Variants in GRIN2A observed in about 807,000 individuals in gnomAD.
GRIN2A encodes the protein glutamate ionotropic receptor NMDA type subunit 2A, also known as glutamate receptor ionotropic, NMDA 2A.
A neutral mutation model predicts 113.4 loss-of-function variants in GRIN2A; 22 were observed. The ratio of observed to expected loss-of-function variants is 0.19; its 90% CI spans 0.14 to 0.28. The LOEUF is 0.28. Among genes scored for constraint, GRIN2A ranks in the 10% least tolerant of loss-of-function variants. GRIN2A has a pLI of 1.00. For missense variants in GRIN2A, 1,502 were observed against 1,887.0 expected (o/e 0.80, Z 3.78); for synonymous variants, 827 against 738.4 (o/e 1.12, Z -1.94).
intron 2 of GRIN2A, among the ~76,000 whole-genome samples, chr16:9,976,908 T>A (rs2045784375): frequency 6.6e-6 from 1 of 152,130 alleles, no homozygotes; most frequent in African/African-American, 2.4e-5. Flanking sequence ...GCCACATGAG[T>A]GGAATACAAA....
intron 2 of GRIN2A, among the ~76,000 whole-genome samples, chr16:9,944,103 T>C (rs2044958462): frequency 6.6e-6 from 1 of 152,110 alleles, no homozygotes; most frequent in African/African-American, 2.4e-5. Context: ...CCACAACTTA[T>C]TTTCCTGCTG....
chr16:9,869,472 A>C (rs1367135099), intron 4 of GRIN2A, among the ~76,000 whole-genome samples: 2 of 152,146 alleles, frequency 1.3e-5, no homozygotes, highest in Non-Finnish European at 2.9e-5. Context: ...CAGAGGTACC[A>C]ACATGACCAC....
intron 2 of GRIN2A, among the ~76,000 whole-genome samples, chr16:9,983,590 C>G (rs1165930990): frequency 6.6e-6 from 1 of 152,074 alleles, no homozygotes; most frequent in African/African-American, 2.4e-5. Flanking sequence ...CAGGCACCCG[C>G]CACTATACCC....
intron 2 of GRIN2A, among the ~76,000 whole-genome samples, chr16:10,132,764 A>T (rs570119136): frequency 6.6e-6 from 1 of 152,346 alleles, no homozygotes; most frequent in South Asian, 2.1e-4. Flanking sequence ...GCAGTGTAGC[A>T]GAAGACCTGG....
intron 2 of GRIN2A, among the ~76,000 whole-genome samples, chr16:10,063,924 C>T (rs2047597235): frequency 6.6e-6 from 1 of 152,124 alleles, no homozygotes; most frequent in African/African-American, 2.4e-5. Context: ...TATTCATGAC[C>T]CCACAGTCAC....
At chr16:9,978,860 G>T (rs547458081) in intron 2 of GRIN2A, among the ~76,000 whole-genome samples, 2 of 152,274 alleles carry the variant, frequency 1.3e-5, no homozygotes, top group Admixed American at 1.3e-4. Context: ...GAAATGGCAG[G>T]TTACTCAGCA....
intron 4 of GRIN2A, among the ~76,000 whole-genome samples, chr16:9,863,239 T>C (rs2043101842): frequency 6.6e-6 from 1 of 152,170 alleles, no homozygotes; most frequent in Non-Finnish European, 1.5e-5. Context: ...GAAGACAGTA[T>C]TAATAATTAG....
Position 10,084,838 on chromosome 16 carries a change from C to T in GRIN2A, c.414+95160G>A, listed in dbSNP as rs531413244. 1.8e-3 allele frequency among the ~76,000 whole-genome samples: 277 copies of T among 152,022 alleles called. 1 individual carries two copies. The highest frequency in any genetic ancestry group is 6.4e-3 in the African/African-American group (264 of 41,454). ...AGGATATGGAGTGAGCTTAATGTTCCACAACTGGGACCTAGGTCAGTGCCT... is the reference window on the plus strand; with the variant it reads ...AGGATATGGAGTGAGCTTAATGTTCTACAACTGGGACCTAGGTCAGTGCCT... On this transcript the variant is annotated intron_variant, in intron 2 of 12. Transcript: ENST00000330684.
intron 2 of GRIN2A, among the ~76,000 whole-genome samples, chr16:10,088,820 G>T (rs1027425734): frequency 6.6e-6 from 1 of 152,168 alleles, no homozygotes; most frequent in Non-Finnish European, 1.5e-5. Context: ...CATCCATCTC[G>T]CAAGAAAAGA....
intron 2 of GRIN2A, among the ~76,000 whole-genome samples, chr16:10,167,202 T>C (rs1266119586): frequency 6.6e-6 from 1 of 152,138 alleles, no homozygotes; most frequent in African/African-American, 2.4e-5. Flanking sequence ...CCCCTGAAAT[T>C]GCACATAATT....
At chr16:9,932,451 C>CT (rs1166216909) in intron 3 of GRIN2A, among the ~76,000 whole-genome samples, 6 of 152,136 alleles carry the variant, frequency 3.9e-5, no homozygotes, top group African/African-American at 1.4e-4. Flanking sequence ...TCTCAGCTCA[C>CT]TGCAACCTCC....
At chr16:10,152,362 G>A (rs886579243) in intron 2 of GRIN2A, among the ~76,000 whole-genome samples, 18 of 152,232 alleles carry the variant, frequency 1.2e-4, no homozygotes, top group African/African-American at 3.4e-4. Context: ...TGTTTTCTCC[G>A]GCTGGAGAAG....
rs572034266 is a variant in GRIN2A at position 9,970,475 on chromosome 16, T to C, written c.415-31924A>G. Among the ~76,000 whole-genome samples, 10 of 152,252 alleles carry C rather than the reference T, an allele frequency of 6.6e-5. No individual in the cohort carries two copies. The South Asian group carries it at 2.1e-3, about 32-fold the overall frequency. ...TTAAAACATATGAAAGAAAGTGCTT[T>C]TGAGATATGGAGATAAAGATACGAT... On this transcript the variant is annotated intron_variant, in intron 2 of 12. Transcript: ENST00000330684.
chr16:10,000,796 T>C (rs2046307026), intron 2 of GRIN2A, among the ~76,000 whole-genome samples: 1 of 152,206 alleles, frequency 6.6e-6, no homozygotes, highest in South Asian at 2.1e-4. Context: ...TATTTTTCTA[T>C]TTCTCCAGAA....
intron 9 of GRIN2A, among the ~76,000 whole-genome samples, chr16:9,825,000 C>A (rs1253665754): frequency 6.6e-6 from 1 of 151,970 alleles, no homozygotes; most frequent in Non-Finnish European, 1.5e-5. Flanking sequence ...AGAAAGAATC[C>A]AATATGGGCT....
At chr16:9,966,514 C>G (rs946498636) in intron 2 of GRIN2A, among the ~76,000 whole-genome samples, 1 of 152,172 alleles carries the variant, frequency 6.6e-6, no homozygotes, top group African/African-American at 2.4e-5. Context: ...TTGATCCACT[C>G]TATCACTGAT....
At chr16:9,831,669 C>A (rs2042498763) in intron 8 of GRIN2A, among the ~76,000 whole-genome samples, 1 of 152,036 alleles carries the variant, frequency 6.6e-6, no homozygotes, top group Non-Finnish European at 1.5e-5. Context: ...GAGCATACCA[C>A]CACGCCCAGC....
At chr16:9,898,371 G>A (rs111636598) in intron 3 of GRIN2A, among the ~76,000 whole-genome samples, 130 of 152,182 alleles carry the variant, frequency 8.5e-4, no homozygotes, top group African/African-American at 2.8e-3. Flanking sequence ...ACCATAATGG[G>A]CTGCATAAGC....
At chr16:9,893,519 T>G (rs1567378135) in intron 3 of GRIN2A, among the ~76,000 whole-genome samples, 1 of 152,248 alleles carries the variant, frequency 6.6e-6, no homozygotes, top group Non-Finnish European at 1.5e-5. Flanking sequence ...CAGGCTGTAG[T>G]GCATTGGCAC....
Sources: gnomAD v4.1 joint callset for allele counts (sites outside exome capture counted in the v4.1 genomes callset) on GRCh38, gnomAD v4.1.1 for gene constraint, MANE v1.5 for transcripts, NCBI Gene and HGNC (gene_info 2026-07-23, HGNC 2026-07-21) for gene names.